The following GABRR2 variants were observed in gnomAD, a reference collection of about 807,000 sequenced individuals.
GABRR2 encodes gamma-aminobutyric acid type A receptor subunit rho2, also known as gamma-aminobutyric acid receptor subunit rho-2.
Under a neutral mutation model 47.0 loss-of-function variants are expected in GABRR2, and 36 were observed. The observed-to-expected ratio is 0.77, with a 90% CI of 0.59 to 1.01. The LOEUF (loss-of-function observed/expected upper bound fraction) is 1.01, where lower values mean the gene tolerates loss of function less well. Among genes scored for constraint, GABRR2 ranks in the 50% least tolerant of loss-of-function variants. The probability of loss-of-function intolerance (pLI) is 0.00; values close to 1 mark genes in which losing one functional copy is unlikely to be tolerated. For synonymous variants in GABRR2, 204 were observed against 227.5 expected, an observed-to-expected ratio of 0.90 and a Z score of 0.93; for missense variants, 587 against 594.6, an observed-to-expected ratio of 0.99 and a Z score of 0.13.
chr6:89,267,673 A>G lies in GABRR2; in HGVS notation c.736+6T>C. 6.2e-7 allele frequency: 1 copy of G among 1,607,690 alleles called. No homozygotes were observed. Among genetic ancestry groups the G allele is most frequent in the Middle Eastern group, 1.7e-4 (1 of 6,010 alleles). ...TTTGAATCAGATTGTGGCAAAAGATAGCTACCAGTGCTGCTGTAGAAGGCC... is the reference window on the plus strand; with the variant it reads ...TTTGAATCAGATTGTGGCAAAAGATGGCTACCAGTGCTGCTGTAGAAGGCC... On this transcript the variant is annotated splice_donor_region_variant and intron_variant, in intron 6 of 8. Transcript: ENST00000402938.
intron 3 of GABRR2, 96 bp from the exon 4 acceptor site, chr6:89,269,330 C>T (rs985785046): frequency 1.1e-6 from 1 of 913,666 alleles, no homozygotes; most frequent in Non-Finnish European, 1.8e-6. Context: ...ACATCTCAGG[C>T]TCAGCATCCA....
At chr6:89,285,009 G>A (rs763630278) in intron 2 of GABRR2, among the ~76,000 whole-genome samples, 20 of 152,110 alleles carry the variant, frequency 1.3e-4, no homozygotes, top group Non-Finnish European at 2.5e-4. Flanking sequence ...ACACAGCCCC[G>A]TATCCCTCTC....
intron 8 of GABRR2, among the ~76,000 whole-genome samples, chr6:89,262,731 C>T (rs543744807): frequency 1.3e-5 from 2 of 152,230 alleles, no homozygotes; most frequent in South Asian, 2.1e-4. Flanking sequence ...TTAAAAGCTC[C>T]CTTATGCTAA....
intron 2 of GABRR2, among the ~76,000 whole-genome samples, chr6:89,287,326 C>T (rs1043607176): frequency 2.2e-4 from 33 of 152,178 alleles, no homozygotes; most frequent in African/African-American, 7.0e-4. Flanking sequence ...ACAGAACGAC[C>T]CTAGAAAGTT....
intron 1 of GABRR2, among the ~76,000 whole-genome samples, chr6:89,308,669 G>C (rs6454753): frequency 0.61 from 92,842 of 151,872 alleles, 30,336 homozygotes; most frequent in African/African-American, 0.84. Flanking sequence ...TTCCCCACCC[G>C]CTTGAGGGCT....
At chr6:89,266,649 G>GA (rs932492248) in intron 6 of GABRR2, among the ~76,000 whole-genome samples, 1 of 152,192 alleles carries the variant, frequency 6.6e-6, no homozygotes, top group African/African-American at 2.4e-5. Flanking sequence ...ATGCCCAGGC[G>GA]AGTGTACAGT....
chr6:89,298,482 C>T (rs1774594595), intron 2 of GABRR2, among the ~76,000 whole-genome samples: 1 of 152,138 alleles, frequency 6.6e-6, no homozygotes, highest in South Asian at 2.1e-4. Context: ...GGTGACCTGC[C>T]TGGAGGTCAC....
chr6:89,263,450 C>T (rs1279630413), intron 8 of GABRR2, among the ~76,000 whole-genome samples: 1 of 152,178 alleles, frequency 6.6e-6, no homozygotes, highest in African/African-American at 2.4e-5. Context: ...GCCCCCCCAA[C>T]CCCTGCCTTG....
rs1774053632 is a variant in GABRR2, at chr6:89,271,661, C to T, written c.282G>A (p.Val94=). ...ACTGGAGGCCGCTGCATACCATGTC[C>T]ACCTCGGAGATGCTGTCCAGGCTCT... is the stretch of plus-strand genomic sequence containing the variant. ...QVESLDSISE[V]DMDFTMTLYL... The change falls in exon 3 of 9, where the codon GTG becomes GTA. Residue 94 remains valine, a synonymous_variant. Coordinates refer to ENST00000402938, the MANE Select transcript of GABRR2 (RefSeq NM_002043.5). 2.5e-6 allele frequency: 4 copies of T among 1,611,146 alleles called. No individual in the cohort carries two copies. Among genetic ancestry groups the T allele is most frequent in the Non-Finnish European group, 3.4e-6 (4 of 1,178,842 alleles).
chr6:89,309,769 T>C (rs1201644589), intron 1 of GABRR2, among the ~76,000 whole-genome samples: 1 of 151,508 alleles, frequency 6.6e-6, no homozygotes, highest in African/African-American at 2.4e-5. Context: ...CCCATGCTTC[T>C]TCTTCTTCTT....
intron 2 of GABRR2, among the ~76,000 whole-genome samples, chr6:89,281,926 A>C (rs887428878): frequency 6.6e-6 from 1 of 151,978 alleles, no homozygotes; most frequent in African/African-American, 2.4e-5. Context: ...CCATCTCAGC[A>C]CCCGCGTCTG....
At chr6:89,283,570 C>T (rs1416114683) in intron 2 of GABRR2, among the ~76,000 whole-genome samples, 1 of 152,006 alleles carries the variant, frequency 6.6e-6, no homozygotes, top group East Asian at 1.9e-4. Context: ...TATAGCCATA[C>T]AAGAGTATGT....
intron 1 of GABRR2, among the ~76,000 whole-genome samples, chr6:89,303,688 A>ACATT (rs1259613509): frequency 2.0e-5 from 3 of 151,370 alleles, no homozygotes; most frequent in African/African-American, 7.3e-5. Flanking sequence ...TGGAGACATC[A>ACATT]CATTACCTGA....
At position 89,265,753 on chromosome 6, in the gene GABRR2, C is replaced by A; in HGVS notation, c.749G>T (p.Arg250Leu). 1 of 1,613,982 alleles carries A rather than the reference C, an allele frequency of 6.2e-7. No homozygotes were observed. The highest frequency in any genetic ancestry group is 8.5e-7 in the Non-Finnish European group (1 of 1,179,932). ...AFYSSTGWYN[R>L]LYINFTLRRH... ...ACGCAACGTGAAGTTAATGTACAGA[C>A]GGTTGTACCAGCCTAGGGGATGCAG... The change falls in exon 7 of 9, where the codon CGT (arginine) becomes CTT (leucine). Residue 250 changes from arginine to leucine, a missense_variant. Physicochemically the swap from Arg to Leu is moderately radical, Grantham distance 102 (BLOSUM62 -2). Coordinates refer to ENST00000402938, the MANE Select transcript of GABRR2 (RefSeq NM_002043.5).
chr6:89,270,754 C>A (rs1415455868), intron 3 of GABRR2, among the ~76,000 whole-genome samples: 1 of 152,130 alleles, frequency 6.6e-6, no homozygotes, highest in Non-Finnish European at 1.5e-5. Flanking sequence ...GGAGCCTCCC[C>A]GACTTTTATT....
rs759038477 is a variant in GABRR2 at position 89,264,567 on chromosome 6, C to A, written c.931G>T (p.Val311Leu). 6.2e-7 allele frequency: 1 copy of A among 1,614,200 alleles called. No individual in the cohort carries two copies. The highest frequency in any genetic ancestry group is 1.1e-5 in the South Asian group (1 of 91,088). ...VLTMTTIITG[V>L]NASMPRVSYV... ...GAGACGCGCGGCATGGAGGCATTCA[C>A]GCCCGTGATGATGGTGGTCATGGTC... The change falls in exon 8 of 9, where the codon GTG becomes TTG. Residue 311 changes from valine (V) to leucine (L), a missense_variant. Transcript: ENST00000402938.
rs201589649 is a variant in GABRR2, at chr6:89,295,299, C to T, written c.220+4460G>A. On this transcript the variant is annotated intron_variant, in intron 2 of 8. Coordinates refer to ENST00000402938, the MANE Select transcript of GABRR2 (RefSeq NM_002043.5). ...CTATTTCTCCACATCCTCTCCAGCACCTGTTGTTTCCTGACTTTTTAATGA... is the reference window on the plus strand; with the variant it reads ...CTATTTCTCCACATCCTCTCCAGCATCTGTTGTTTCCTGACTTTTTAATGA... Among the ~76,000 whole-genome samples, 1,372 of 152,276 alleles carry T rather than the reference C, an allele frequency of 9.0e-3. 71 individuals are homozygous for T. Among genetic ancestry groups the T allele is most frequent in the Admixed American group, 0.07 (1,070 of 15,296 alleles).
chr6:89,266,999 C>CTTTTTTTT (rs71024360), intron 6 of GABRR2, among the ~76,000 whole-genome samples: 1 of 125,892 alleles, frequency 7.9e-6, no homozygotes, highest in African/African-American at 3.1e-5. Context: ...TTCTTTTCTT[C>CTTTTTTTT]TTTTTTTTTT....
chr6:89,277,158 T>A (rs62417499), intron 2 of GABRR2, among the ~76,000 whole-genome samples: 22,659 of 152,112 alleles, frequency 0.15, 1,738 homozygotes, highest in African/African-American at 0.18. Flanking sequence ...GTTTTCCCCA[T>A]GCTGTTCTCG....
Sources: allele counts gnomAD v4.1 joint callset (sites outside exome capture counted in the v4.1 genomes callset), GRCh38; gene constraint gnomAD v4.1.1; transcripts MANE v1.5; gene names NCBI Gene and HGNC (gene_info 2026-07-23, HGNC 2026-07-21).